Variants in PNPT1 observed in about 807,000 individuals in gnomAD.
PNPT1 encodes polyribonucleotide nucleotidyltransferase 1, mitochondrial.
In PNPT1, 53 loss-of-function variants were observed where a neutral mutation model predicts 119.5. The ratio of observed to expected loss-of-function variants is 0.44; its 90% confidence interval spans 0.36 to 0.56. The LOEUF (loss-of-function observed/expected upper bound fraction) is 0.56, where lower values mean the gene tolerates loss of function less well. Among genes scored for constraint, PNPT1 ranks in the 20% least tolerant of loss-of-function variants. PNPT1 has a pLI of 0.00. For missense variants in PNPT1, 948 were observed against 938.5 expected, an observed-to-expected ratio of 1.01 and a Z score of -0.13; for synonymous variants, 357 against 322.1, an observed-to-expected ratio of 1.11 and a Z score of -1.16.
At chr2:55,673,391 T>A (rs973178372) in intron 8 of PNPT1, among the ~76,000 whole-genome samples, 1 of 150,882 alleles carries the variant, frequency 6.6e-6, no homozygotes, top group African/African-American at 2.4e-5. Flanking sequence ...TATTGAGCTA[T>A]AAGTCACATA....
chr2:55,661,278 G>C (rs782605), intron 14 of PNPT1, among the ~76,000 whole-genome samples: 1 of 151,536 alleles, frequency 6.6e-6, no homozygotes, highest in Non-Finnish European at 1.5e-5. Context: ...TTTTCAGTAG[G>C]GACGGAATTT....
chr2:55,671,488 T>G, intron 10 of PNPT1, 112 bp from the exon 11 acceptor site: 1 of 584,358 alleles, frequency 1.7e-6, no homozygotes, highest in Non-Finnish European at 2.8e-6. Flanking sequence ...TTCTTTAATA[T>G]TCTTTAAAAT....
intron 21 of PNPT1, among the ~76,000 whole-genome samples, chr2:55,645,693 GCTT>G (rs1390143733): frequency 1.3e-5 from 2 of 152,106 alleles, no homozygotes; most frequent in African/African-American, 2.4e-5. Context: ...ACTTAGTTGT[GCTT>G]CTTCTTTTTT....
At chr2:55,644,562 A>C (rs1332143844) in intron 23 of PNPT1, 75 bp downstream of exon 23, 1 of 1,034,256 alleles carries the variant, frequency 9.7e-7, no homozygotes, top group Non-Finnish European at 1.4e-6. Context: ...TTAAAGCAAC[A>C]TACTAGAGAT....
At chr2:55,651,337 G>A (rs1276599444) in intron 18 of PNPT1, among the ~76,000 whole-genome samples, 1 of 152,144 alleles carries the variant, frequency 6.6e-6, no homozygotes, top group Non-Finnish European at 1.5e-5. Flanking sequence ...TAGAAAGGGG[G>A]GAAAGGTGGG....
At chr2:55,672,776 A>T in intron 9 of PNPT1, 117 bp downstream of exon 9, 1 of 977,616 alleles carries the variant, frequency 1.0e-6, no homozygotes, top group South Asian at 1.7e-5. Context: ...CTCTTAAAAC[A>T]GAAAAGTGCT....
chr2:55,678,782 C>T (rs1201818682), intron 8 of PNPT1, among the ~76,000 whole-genome samples: 1 of 152,176 alleles, frequency 6.6e-6, no homozygotes, highest in Admixed American at 6.5e-5. Flanking sequence ...GACAACACAA[C>T]CCCCAACTAA....
In PNPT1 at chr2:55,665,598, G is replaced by C. The variant is rs546441093; in HGVS notation, c.1176+1393C>G. Among the ~76,000 whole-genome samples the C allele has an allele frequency of 5.3e-5, 8 of 152,224 alleles. No individual in the cohort carries two copies. The Middle Eastern group carries it at 0.024, about 453-fold the overall frequency. On this transcript the variant is annotated intron_variant, in intron 13 of 27. Transcript: ENST00000447944. Reference sequence around the variant, plus strand: ...GGATATGGACAGAAAATTCATAAAAGGGCAAACCTGAGGCAAGGCCACCAC... The same window carrying C: ...GGATATGGACAGAAAATTCATAAAACGGCAAACCTGAGGCAAGGCCACCAC...
chr2:55,650,635 C>T (rs1254318203), intron 18 of PNPT1, among the ~76,000 whole-genome samples: 5 of 151,830 alleles, frequency 3.3e-5, no homozygotes, highest in African/African-American at 4.8e-5. Flanking sequence ...CGTCTCTGCC[C>T]GGCCGCCCAT....
chr2:55,693,808 A>T lies in PNPT1; in HGVS notation c.16T>A (p.Tyr6Asn), dbSNP rs919792111. 19 of 1,613,618 alleles carry T rather than the reference A, an allele frequency of 1.2e-5. No homozygotes were observed. The highest frequency in any genetic ancestry group is 1.5e-5 in the Non-Finnish European group (18 of 1,180,030). MAACR[Y>N]CCSCLRLRPL... ...CGGAGCCGGAGGCACGAGCAGCAGT[A>T]CCTGCAGGCCGCCATGACACCCGGC... Residue 6 changes from tyrosine to asparagine, a missense_variant, in exon 1 of 28, where the codon TAC (tyrosine) becomes AAC (asparagine). By Grantham distance (143) the Tyr-to-Asn change is moderately radical. Transcript: ENST00000447944.
At chr2:55,650,716 G>T (rs867382168) in intron 18 of PNPT1, among the ~76,000 whole-genome samples, 7 of 150,634 alleles carry the variant, frequency 4.6e-5, no homozygotes, top group Non-Finnish European at 1.0e-4. Flanking sequence ...CTGCCCGGCC[G>T]CCCCGTCTGA....
chr2:55,672,896 T>C lies in PNPT1; in HGVS notation c.863A>G (p.His288Arg), dbSNP rs1696958115. 3.1e-6 allele frequency: 5 copies of C among 1,591,574 alleles called. No homozygotes were observed. Among genetic ancestry groups the C allele is most frequent in the Non-Finnish European group, 4.3e-6 (5 of 1,172,758 alleles). The change falls in exon 9 of 28, where the codon CAT (histidine) becomes CGT (arginine). Residue 288 changes from histidine to arginine, a missense_variant. Coordinates refer to ENST00000447944, the MANE Select transcript of PNPT1 (RefSeq NM_033109.5). Reference protein sequence around the residue: ...TPSPEIVKYTHKLAMERLYAV... With the variant: ...TPSPEIVKYTRKLAMERLYAV... ...TCATTTGCACAGATGTTCTTACTTA[T>C]GAGTATATTTCACAATCTCTGGCGA...
rs536610760 is a variant in PNPT1, at chr2:55,690,833, T to C, written c.161+2830A>G. ...TGGGAATGAGGTACAGAGAGGCTGA[T>C]GCTGGATTAGTATGTTGAGTAGATG... On this transcript the variant is annotated intron_variant, in intron 1 of 27. Coordinates refer to ENST00000447944, the MANE Select transcript of PNPT1 (RefSeq NM_033109.5). Among the ~76,000 whole-genome samples the C allele has an allele frequency of 2.0e-5, 3 of 152,318 alleles. No individual in the cohort carries two copies. In the East Asian group the frequency reaches 5.8e-4, roughly 29 times the overall value.
At chr2:55,682,583 C>CAG (rs1393948127) in intron 5 of PNPT1, among the ~76,000 whole-genome samples, 3 of 152,008 alleles carry the variant, frequency 2.0e-5, no homozygotes, top group African/African-American at 7.3e-5. Flanking sequence ...CTTTATACTG[C>CAG]AATAATGTGC....
At chr2:55,675,302 A>C (rs925162273) in intron 8 of PNPT1, among the ~76,000 whole-genome samples, 1 of 151,872 alleles carries the variant, frequency 6.6e-6, no homozygotes, top group African/African-American at 2.4e-5. Flanking sequence ...AAAAAAAAAA[A>C]ATATGGCTGG....
In PNPT1 at chr2:55,690,890, T is replaced by G. The variant is rs576683211; in HGVS notation, c.161+2773A>C. 4.6e-5 allele frequency among the ~76,000 whole-genome samples: 7 copies of G among 152,336 alleles called. No homozygotes were observed. In the South Asian group the frequency reaches 1.2e-3, roughly 27 times the overall value. On this transcript the variant is annotated intron_variant, in intron 1 of 27. Coordinates refer to ENST00000447944, the MANE Select transcript of PNPT1 (RefSeq NM_033109.5). ...ATGAGATACTCAAAACCAGTCACAC[T>G]GTGTAGTATCACAGACCTGCAACAA...
chr2:55,655,658 A>C (rs1469657749), intron 17 of PNPT1, among the ~76,000 whole-genome samples: 1 of 152,184 alleles, frequency 6.6e-6, no homozygotes, highest in Admixed American at 6.5e-5. Context: ...TACGTCTGTT[A>C]CACCTTTAAG....
At chr2:55,652,956 T>C (rs1180406643) in intron 18 of PNPT1, among the ~76,000 whole-genome samples, 1 of 152,192 alleles carries the variant, frequency 6.6e-6, no homozygotes, top group Non-Finnish European at 1.5e-5. Flanking sequence ...AAAGTGATTC[T>C]CTTGACTCAG....
At chr2:55,644,462 TTTA>T (rs1205718832) in intron 23 of PNPT1, among the ~76,000 whole-genome samples, 172 bp downstream of exon 23, 1 of 152,226 alleles carries the variant, frequency 6.6e-6, no homozygotes, top group Non-Finnish European at 1.5e-5. Flanking sequence ...CATTTGCTAA[TTTA>T]TTAATAGGCA....
Sources: gnomAD v4.1 joint callset for allele counts (sites outside exome capture counted in the v4.1 genomes callset) on GRCh38, gnomAD v4.1.1 for gene constraint, MANE v1.5 for transcripts, NCBI Gene and HGNC (gene_info 2026-07-23, HGNC 2026-07-21) for gene names.